RTN4: variants seen among roughly 807,000 people sequenced by gnomAD.
The protein encoded by RTN4 is reticulon-4.
In RTN4, 32 loss-of-function variants were observed where a neutral mutation model predicts 90.4. The ratio of observed to expected loss-of-function variants is 0.35; its 90% CI spans 0.27 to 0.48. The LOEUF (loss-of-function observed/expected upper bound fraction) is 0.48. RTN4 is among the 20% of genes least tolerant of loss of function. RTN4 has a pLI of 0.99. For synonymous variants in RTN4, 629 were observed against 552.5 expected (o/e 1.14, Z -1.94); for missense variants, 1,706 against 1,430.2 (o/e 1.19, Z -3.11).
At chr2:54,995,057 T>G (rs1397818874) in intron 3 of RTN4, among the ~76,000 whole-genome samples, 1 of 152,132 alleles carries the variant, frequency 6.6e-6, no homozygotes, top group East Asian at 1.9e-4. Flanking sequence ...CTGGTCAACA[T>G]GGTGAAACCC....
chr2:55,135,279 C>T, the RTN4 span, among the ~76,000 whole-genome samples: 1 of 145,434 alleles, frequency 6.9e-6, no homozygotes, highest in African/African-American at 2.5e-5. Context: ...TCAATCTTGA[C>T]TCACGGCAAC....
chr2:54,984,179 C>G (rs113390274), intron 4 of RTN4, among the ~76,000 whole-genome samples: 88 of 152,242 alleles, frequency 5.8e-4, no homozygotes, highest in African/African-American at 1.8e-3. Context: ...TTCATAAAAC[C>G]CTGATGTTCT....
At chr2:55,129,105 G>A in the RTN4 span, among the ~76,000 whole-genome samples, 90 of 121,368 alleles carry the variant, frequency 7.4e-4, no homozygotes, top group East Asian at 4.2e-3. Context: ...GCAAGACTCC[G>A]TCTCAAAAAA....
In RTN4 at chr2:55,026,608, T is replaced by C. The variant is rs1262376750; in HGVS notation, c.1491A>G (p.Ile497Met). 6.2e-7 allele frequency: 1 copy of C among 1,611,922 alleles called. No homozygotes were observed. Among genetic ancestry groups the C allele is most frequent in the Non-Finnish European group, 8.5e-7 (1 of 1,179,682 alleles). The change falls in exon 3 of 9, where the codon ATA becomes ATG. Residue 497 changes from isoleucine (I) to methionine (M), a missense_variant. Physicochemically the swap from Ile to Met is conservative, Grantham distance 10 (BLOSUM62 1). Transcript: ENST00000337526. ...TTACTATTTGGGCCTTCTTTTCTTCTATTTTTTTTTCATCGGTCTTATTTT... is the reference window on the plus strand; with the variant it reads ...TTACTATTTGGGCCTTCTTTTCTTCCATTTTTTTTTCATCGGTCTTATTTT... Reference protein sequence around the residue: ...TSENKTDEKKIEEKKAQIVTE... With the variant: ...TSENKTDEKKMEEKKAQIVTE...
At chr2:55,008,142 AACACACACACACACAC>A (rs200633765) in intron 3 of RTN4, among the ~76,000 whole-genome samples, 1 of 145,030 alleles carries the variant, frequency 6.9e-6, no homozygotes, top group African/African-American at 2.6e-5. Flanking sequence ...TCGGCAAGCA[AACACACACACACACAC>A]ACACACACAC....
At chr2:54,984,317 T>C (rs1678377806) in intron 4 of RTN4, among the ~76,000 whole-genome samples, 2 of 152,230 alleles carry the variant, frequency 1.3e-5, no homozygotes, top group South Asian at 4.1e-4. Flanking sequence ...TAAGCTGTTA[T>C]GGACCAGGAA....
At chr2:54,996,607 T>C (rs1040364382) in intron 3 of RTN4, among the ~76,000 whole-genome samples, 1 of 152,210 alleles carries the variant, frequency 6.6e-6, no homozygotes, top group Admixed American at 6.5e-5. Context: ...TTTAAACAAA[T>C]GGTGCTAGGA....
the RTN4 span, among the ~76,000 whole-genome samples, chr2:55,136,392 G>C: frequency 6.6e-6 from 1 of 152,230 alleles, no homozygotes; most frequent in African/African-American, 2.4e-5. Flanking sequence ...ACAAATCCCA[G>C]AACCATGCCA....
chr2:55,126,567 C>T, the RTN4 span, among the ~76,000 whole-genome samples: 2,513 of 152,208 alleles, frequency 0.017, 36 homozygotes, highest in Non-Finnish European at 0.025. Context: ...AACACTTATA[C>T]GCTGTTGGTG....
chr2:55,043,777 T>A, intron 1 of RTN4, among the ~76,000 whole-genome samples: 1 of 151,888 alleles, frequency 6.6e-6, no homozygotes, highest in East Asian at 1.9e-4. Flanking sequence ...TCCCAGCTAC[T>A]CGGGAGGCTG....
intron 3 of RTN4, chr2:55,010,244 C>T: frequency 6.4e-7 from 1 of 1,558,590 alleles, no homozygotes; most frequent in Non-Finnish European, 8.6e-7. Context: ...AGTCTGCAGT[C>T]TCCTCTGCTG....
At chr2:55,130,884 A>G in the RTN4 span, among the ~76,000 whole-genome samples, 1 of 152,162 alleles carries the variant, frequency 6.6e-6, no homozygotes, top group African/African-American at 2.4e-5. Context: ...GATCCAGACA[A>G]AGAAAGATTA....
intron 4 of RTN4, 130 bp from the exon 5 acceptor site, chr2:54,982,783 G>A: frequency 1.0e-6 from 1 of 989,076 alleles, no homozygotes; most frequent in South Asian, 1.8e-5. Flanking sequence ...TCCAAATTAG[G>A]GGCAATATAA....
intron 1 of RTN4, among the ~76,000 whole-genome samples, chr2:55,081,314 T>C (rs950546827): frequency 6.6e-6 from 1 of 152,096 alleles, no homozygotes; most frequent in Admixed American, 6.6e-5. Context: ...TGGGCTCAAG[T>C]GATCCTCCTT....
chr2:54,997,784 A>T (rs747676651), intron 3 of RTN4, among the ~76,000 whole-genome samples: 28 of 152,306 alleles, frequency 1.8e-4, no homozygotes, highest in Non-Finnish European at 3.8e-4. Context: ...GTACAATGAG[A>T]TATTTTGAGA....
upstream of RTN4, among the ~76,000 whole-genome samples, chr2:55,116,842 A>C (rs1019436493): frequency 1.4e-5 from 2 of 147,710 alleles, no homozygotes; most frequent in African/African-American, 5.0e-5. Context: ...ACTCTCCTTT[A>C]TGCATAGCTG....
intron 1 of RTN4, among the ~76,000 whole-genome samples, chr2:55,034,708 T>C (rs1197309251): frequency 1.3e-5 from 2 of 152,142 alleles, no homozygotes; most frequent in Non-Finnish European, 2.9e-5. Context: ...AAATGGTAAA[T>C]ATATATGTAG....
At chr2:55,018,644 T>C (rs1681210777) in intron 3 of RTN4, among the ~76,000 whole-genome samples, 1 of 152,074 alleles carries the variant, frequency 6.6e-6, no homozygotes, top group Non-Finnish European at 1.5e-5. Flanking sequence ...GTTCTCACTA[T>C]AAAAGAAGAG....
At chr2:55,115,578 T>C (rs946707594), upstream of RTN4, among the ~76,000 whole-genome samples, 3 of 152,190 alleles carry the variant, frequency 2.0e-5, no homozygotes, top group Non-Finnish European at 2.9e-5. Context: ...CACAAAATCA[T>C]GAGAAACGAA....
Sources: allele counts gnomAD v4.1 joint callset (sites outside exome capture counted in the v4.1 genomes callset), GRCh38; gene constraint gnomAD v4.1.1; transcripts MANE v1.5; gene names NCBI Gene and HGNC (gene_info 2026-07-23, HGNC 2026-07-21).